Variants in CCNY observed in about 807,000 individuals in gnomAD.
CCNY encodes the protein cyclin-Y.
A neutral mutation model predicts 42.8 loss-of-function variants in CCNY; 19 were observed. The observed-to-expected ratio is 0.44, with a 90% CI of 0.31 to 0.65. CCNY has a LOEUF of 0.65. Among genes scored for constraint, CCNY ranks in the 30% least tolerant of loss-of-function variants. The pLI is 0.07. For missense variants in CCNY, 370 were observed against 437.3 expected (o/e 0.85, Z 1.37); for synonymous variants, 165 against 162.7 (o/e 1.01, Z -0.11).
At chr10:35,562,988 C>T (rs912136465) in intron 8 of CCNY, among the ~76,000 whole-genome samples, 4 of 151,080 alleles carry the variant, frequency 2.6e-5, no homozygotes, top group African/African-American at 7.3e-5. Flanking sequence ...TTTTGTTGGT[C>T]GACTTGAATA....
intron 1 of CCNY, among the ~76,000 whole-genome samples, chr10:35,367,799 G>GTT (rs1395230550): frequency 6.6e-6 from 1 of 152,184 alleles, no homozygotes; most frequent in Non-Finnish European, 1.5e-5. Flanking sequence ...CCTGAAAAAG[G>GTT]CATGTCTGAA....
chr10:35,508,877 A>G (rs1393826640), intron 3 of CCNY, among the ~76,000 whole-genome samples: 1 of 152,090 alleles, frequency 6.6e-6, no homozygotes, highest in East Asian at 1.9e-4. Flanking sequence ...ATCACCCCCA[A>G]AAGAAACCCT....
At chr10:35,479,764 T>TA (rs572142241) in intron 1 of CCNY, among the ~76,000 whole-genome samples, 172 of 145,376 alleles carry the variant, frequency 1.2e-3, no homozygotes, top group African/African-American at 2.6e-3. Flanking sequence ...ATAATAATAA[T>TA]AAAAAAAAAA....
intron 2 of CCNY, among the ~76,000 whole-genome samples, chr10:35,488,764 A>T (rs570637395): frequency 1.3e-5 from 2 of 152,324 alleles, no homozygotes; most frequent in East Asian, 3.9e-4. Flanking sequence ...GCCTTCTTTA[A>T]CAAATATTTC....
rs1367498165 is a variant in CCNY at position 35,337,066 on chromosome 10, A to G, written c.13A>G (p.Thr5Ala). 1.9e-6 allele frequency: 3 copies of G among 1,584,260 alleles called. No individual in the cohort carries two copies. Among genetic ancestry groups the G allele is most frequent in the East Asian group, 2.4e-5 (1 of 41,244 alleles). MGNT[T>A]SCCVSSSPKL... ...GGGGCCGCCGAAGATGGGGAACACT[A>G]CCTCGTGCTGCGTGTCGTCCAGTCC... The change falls in exon 1 of 10, where the codon ACC becomes GCC. Residue 5 changes from threonine (T) to alanine (A), a missense_variant. Transcript: ENST00000374704.
intron 3 of CCNY, among the ~76,000 whole-genome samples, chr10:35,260,747 T>C (rs545797741): frequency 3.9e-5 from 6 of 152,232 alleles, no homozygotes; most frequent in Non-Finnish European, 7.3e-5. Flanking sequence ...AAGGGACTTT[T>C]GGGATCCTTG....
At chr10:35,547,854 T>TAC (rs954499070) in intron 7 of CCNY, among the ~76,000 whole-genome samples, 2 of 152,144 alleles carry the variant, frequency 1.3e-5, no homozygotes, top group African/African-American at 4.8e-5. Flanking sequence ...AAGAGGCCCT[T>TAC]ACACTACTGA....
rs116192698 is a variant in CCNY at position 35,430,884 on chromosome 10, A to T, written c.155-52520A>T. 5.9e-3 allele frequency among the ~76,000 whole-genome samples: 901 copies of T among 152,096 alleles called. 14 individuals are homozygous for T. The highest frequency in any genetic ancestry group is 0.021 in the African/African-American group (859 of 41,496). On this transcript the variant is annotated intron_variant, in intron 1 of 9. Transcript: ENST00000374704. ...CCAGCACTTTGGGAGGCCGATCACG[A>T]TCCGCGGGTGGATCACAAGGTCAAG...
intron 1 of CCNY, among the ~76,000 whole-genome samples, chr10:35,349,383 A>T (rs1836380204): frequency 6.6e-6 from 1 of 152,214 alleles, no homozygotes; most frequent in African/African-American, 2.4e-5. Context: ...GCATGTTGAC[A>T]GTCAAGGCCT....
chr10:35,482,647 C>T (rs748044241), intron 1 of CCNY, among the ~76,000 whole-genome samples: 4 of 152,044 alleles, frequency 2.6e-5, no homozygotes, highest in Non-Finnish European at 5.9e-5. Flanking sequence ...GACACAGCCA[C>T]TGTGAAGGGG....
At chr10:35,259,344 G>A (rs1435296206) in intron 3 of CCNY, among the ~76,000 whole-genome samples, 1 of 151,976 alleles carries the variant, frequency 6.6e-6, no homozygotes, top group Non-Finnish European at 1.5e-5. Context: ...CTCTTGAGTA[G>A]CTAGGAGTGC....
Position 35,496,249 on chromosome 10 carries a change from G to A in CCNY, c.230-5252G>A, listed in dbSNP as rs113625114. ...AATAGCACAGCTCTATTCATACCTG[G>A]TTCTAATTGTCATTCTGTTTTTAAA... On this transcript the variant is annotated intron_variant, in intron 2 of 9. Coordinates refer to ENST00000374704, the MANE Select transcript of CCNY (RefSeq NM_145012.6). 6.9e-3 allele frequency among the ~76,000 whole-genome samples: 1,053 copies of A among 152,308 alleles called. 4 individuals carry two copies. Among genetic ancestry groups the A allele is most frequent in the African/African-American group, 0.02 (842 of 41,546 alleles).
chr10:35,531,367 C>G (rs1840766744), intron 7 of CCNY, among the ~76,000 whole-genome samples: 1 of 152,238 alleles, frequency 6.6e-6, no homozygotes, highest in South Asian at 2.1e-4. Flanking sequence ...TGAACAGAAA[C>G]CCTGTTGGCT....
At chr10:35,400,865 C>G (rs1837628288) in intron 1 of CCNY, among the ~76,000 whole-genome samples, 1 of 152,188 alleles carries the variant, frequency 6.6e-6, no homozygotes, top group Admixed American at 6.5e-5. Context: ...AGCATGACTT[C>G]CCAGACTACT....
At chr10:35,447,317 T>C (rs776570423) in intron 1 of CCNY, among the ~76,000 whole-genome samples, 5 of 152,204 alleles carry the variant, frequency 3.3e-5, no homozygotes, top group Non-Finnish European at 7.3e-5. Context: ...AACCATAGTT[T>C]AACACGTGGC....
chr10:35,478,948 C>T (rs1472762707), intron 1 of CCNY, among the ~76,000 whole-genome samples: 1 of 152,160 alleles, frequency 6.6e-6, no homozygotes, highest in Non-Finnish European at 1.5e-5. Flanking sequence ...GGGTGAAGGA[C>T]ATGAACAGAC....
At chr10:35,286,886 C>T (rs2135059314) in intron 3 of CCNY, among the ~76,000 whole-genome samples, 1 of 152,158 alleles carries the variant, frequency 6.6e-6, no homozygotes, top group East Asian at 1.9e-4. Context: ...TCTCGAACTC[C>T]TGGCCTCAAG....
chr10:35,383,284 C>T (rs1289353432), intron 1 of CCNY, among the ~76,000 whole-genome samples: 1 of 151,820 alleles, frequency 6.6e-6, no homozygotes, highest in Non-Finnish European at 1.5e-5. Flanking sequence ...GGAAATTGAA[C>T]TAGAAACTTT....
intron 1 of CCNY, among the ~76,000 whole-genome samples, chr10:35,431,115 CA>C (rs112378512): frequency 0.025 from 2,722 of 107,504 alleles, 51 homozygotes; most frequent in African/African-American, 0.074. Flanking sequence ...GACTCCATCT[CA>C]AAAAAAAAAA....
Sources: gnomAD v4.1 joint callset for allele counts (sites outside exome capture counted in the v4.1 genomes callset) on GRCh38, gnomAD v4.1.1 for gene constraint, MANE v1.5 for transcripts, NCBI Gene and HGNC (gene_info 2026-07-23, HGNC 2026-07-21) for gene names.